The following TSEN54 variants were observed in gnomAD, a reference collection of about 807,000 sequenced individuals.
TSEN54 encodes tRNA splicing endonuclease subunit 54.
TSEN54 carries 55 observed loss-of-function variants against 61.9 expected under a neutral mutation model. The ratio of observed to expected loss-of-function variants is 0.89; its 90% confidence interval spans 0.72 to 1.11. TSEN54 has a LOEUF of 1.11. TSEN54 is among the 50% of genes most tolerant of loss of function. The pLI, the probability that TSEN54 is intolerant of heterozygous loss-of-function variation, is 0.00. For synonymous variants in TSEN54, 304 were observed against 288.7 expected (o/e 1.05, Z -0.54); for missense variants, 760 against 687.7 (o/e 1.11, Z -1.18).
Position 75,522,271 on chromosome 17 carries a change from C to A in TSEN54, c.1190C>A (p.Ala397Asp). 1 of 1,546,784 alleles carries A rather than the reference C, an allele frequency of 6.5e-7. No individual in the cohort carries two copies. Among genetic ancestry groups the A allele is most frequent in the Non-Finnish European group, 8.7e-7 (1 of 1,146,486 alleles). Residue 397 changes from alanine (A) to aspartate (D), a missense_variant, in exon 8 of 11, where the codon GCC becomes GAC. By Grantham distance (126) the Ala-to-Asp change is moderately radical. Transcript: ENST00000333213. Reference protein sequence around the residue: ...RRQVQRSQRRAPHLWGQPVTP... With the variant: ...RRQVQRSQRRDPHLWGQPVTP... ...CAGGTGCAGAGGAGCCAGCGCCGGG[C>A]CCCTCACCTGTGGGGCCAGCCCGTC...
chr17:75,518,570 T>C (rs1044370938), intron 5 of TSEN54: 13 of 985,448 alleles, frequency 1.3e-5, no homozygotes, highest in African/African-American at 7.0e-5. Context: ...AGGTTGAATA[T>C]GTGGCTCCCT....
In TSEN54 at chr17:75,517,033, G is replaced by A. The variant is rs1277949472; in HGVS notation, c.246G>A (p.Trp82Ter). 4 of 1,593,932 alleles carry A rather than the reference G, an allele frequency of 2.5e-6. No individual in the cohort carries two copies. Among genetic ancestry groups the A allele is most frequent in the Non-Finnish European group, 3.4e-6 (4 of 1,171,106 alleles). The stretch of plus-strand genomic sequence containing the variant: ...GGGGCAGCTTGGTGGCTGCCGAGTG[G>A]AGGCCAGAAGAGGGCTTCGTGGAGT... ...ERLGSLVAAEWRPEEGFVELK... is the reference protein window; with the variant it reads ...ERLGSLVAAE Residue 82 changes from tryptophan (W) to a stop codon, truncating the protein, a stop_gained, in exon 3 of 11, where the codon TGG (tryptophan) becomes TGA (stop). Coordinates refer to ENST00000333213, the MANE Select transcript of TSEN54 (RefSeq NM_207346.3). LOFTEE classifies it high-confidence loss of function.
In TSEN54 at chr17:75,524,397, G is replaced by A. The variant is rs1176613934; in HGVS notation, c.1566G>A (p.Gln522=). The A allele has an allele frequency of 6.2e-7, 1 of 1,614,160 alleles. No individual in the cohort carries two copies. The highest frequency in any genetic ancestry group is 1.7e-5 in the Admixed American group (1 of 60,026). ...GCTTCAGGGACTTCACGTTGCCCCA[G>A]GATGTGGGGCACTGACCTCACAGCT... ...FYSFRDFTLP[Q]DVGH The change falls in exon 11 of 11, where the codon CAG becomes CAA. Residue 522 remains glutamine (Q), a synonymous_variant. Coordinates refer to ENST00000333213, the MANE Select transcript of TSEN54 (RefSeq NM_207346.3).
At chr17:75,516,660 C>T (rs1482397538) in intron 1 of TSEN54, 44 bp downstream of exon 1, 15 of 1,264,798 alleles carry the variant, frequency 1.2e-5, no homozygotes, top group African/African-American at 1.6e-5. Flanking sequence ...GGCGCGGGGC[C>T]AGCGCGGGTA....
intron 5 of TSEN54, 200 bp from the exon 6 acceptor site, chr17:75,518,795 G>T: frequency 2.0e-6 from 2 of 985,394 alleles, no homozygotes; most frequent in Non-Finnish European, 2.4e-6. Context: ...AAGGTAAGTG[G>T]GAGGACAGGA....
At chr17:75,522,660 C>G (rs1011114447) in intron 8 of TSEN54, 10 of 749,276 alleles carry the variant, frequency 1.3e-5, no homozygotes, top group Admixed American at 3.6e-5. Flanking sequence ...CCTTCTTGGC[C>G]AAGTGAAAGA....
intron 10 of TSEN54, 96 bp downstream of exon 10, chr17:75,523,875 A>G (rs891677856): frequency 1.2e-5 from 16 of 1,381,044 alleles, no homozygotes; most frequent in Admixed American, 3.9e-5. Context: ...CAGCGTGCCA[A>G]TCTCTGAGAG....
chr17:75,523,537 G>GC, intron 9 of TSEN54, 126 bp from the exon 10 acceptor site: 6 of 1,609,184 alleles, frequency 3.7e-6, no homozygotes, highest in Non-Finnish European at 5.1e-6. Context: ...AGGGTTCAGA[G>GC]CCCCCAACCC....
At position 75,516,746 on chromosome 17, in the gene TSEN54, C is replaced by A; in HGVS notation, c.57C>A (p.Ser19Arg). Residue 19 changes from serine (S) to arginine (R), a missense_variant and splice_region_variant, in exon 2 of 11, where the codon AGC (serine) becomes AGA (arginine). By Grantham distance (110) the Ser-to-Arg change is moderately radical. Coordinates refer to ENST00000333213, the MANE Select transcript of TSEN54 (RefSeq NM_207346.3). ...AVEVPAGRVL[S>R]ARELFAARSR... ...GACCCCGCGTCCCCTTCTCCCCCAG[C>A]GCCCGGGAGCTCTTCGCCGCCCGCT... 3 of 1,559,912 alleles carry A rather than the reference C, an allele frequency of 1.9e-6. No individual in the cohort carries two copies. The highest frequency in any genetic ancestry group is 2.6e-6 in the Non-Finnish European group (3 of 1,161,708).
intron 6 of TSEN54, among the ~76,000 whole-genome samples, chr17:75,519,420 AT>A: frequency 6.6e-6 from 1 of 152,304 alleles, no homozygotes; most frequent in South Asian, 2.1e-4. Context: ...AGGGTTTCAC[AT>A]TTTTCATGCC....
rs1472785160 is a variant in TSEN54, at chr17:75,521,765, C to T, written c.684C>T (p.Ala228=). Residue 228 remains alanine (A), a synonymous_variant, in exon 8 of 11, where the codon GCC becomes GCT. Coordinates refer to ENST00000333213, the MANE Select transcript of TSEN54 (RefSeq NM_207346.3). ...DNSLQPKSLA[A]SSPPPCSQPS... is the part of the protein sequence containing the mutation. Reference sequence around the variant, plus strand: ...CCCTGCAACCCAAGAGTCTGGCAGCCTCCAGCCCACCTCCCTGCAGCCAGC... The same window carrying T: ...CCCTGCAACCCAAGAGTCTGGCAGCTTCCAGCCCACCTCCCTGCAGCCAGC... 2 of 1,612,920 alleles carry T rather than the reference C, an allele frequency of 1.2e-6. No homozygotes were observed. Among genetic ancestry groups the T allele is most frequent in the South Asian group, 2.2e-5 (2 of 91,082 alleles).
In TSEN54 at chr17:75,516,918, G is replaced by C; in HGVS notation, c.221+8G>C. 6.5e-7 allele frequency: 1 copy of C among 1,543,366 alleles called. No homozygotes were observed. Among genetic ancestry groups the C allele is most frequent in the Non-Finnish European group, 8.7e-7 (1 of 1,146,040 alleles). Reference sequence around the variant, plus strand: ...GCAGCGCGTGGAGCGCCTGTGAGAGGGGCGGGCCCAGGGGTAAGGGAAGCG... The same window carrying C: ...GCAGCGCGTGGAGCGCCTGTGAGAGCGGCGGGCCCAGGGGTAAGGGAAGCG... On this transcript the variant is annotated splice_region_variant and intron_variant, in intron 2 of 10. Coordinates refer to ENST00000333213, the MANE Select transcript of TSEN54 (RefSeq NM_207346.3).
intron 4 of TSEN54, 131 bp downstream of exon 4, chr17:75,517,375 T>C: frequency 8.0e-7 from 1 of 1,247,884 alleles, no homozygotes; most frequent in South Asian, 1.2e-5. Context: ...CAGGAGGTGG[T>C]ACGTTGCAGG....
intron 8 of TSEN54, chr17:75,523,071 C>G: frequency 4.8e-6 from 3 of 625,338 alleles, no homozygotes; most frequent in Non-Finnish European, 8.7e-6. Flanking sequence ...CCCAGCTACT[C>G]AGGAGGCTGA....
At chr17:75,523,920 C>A in intron 10 of TSEN54, 141 bp downstream of exon 10, 1 of 954,450 alleles carries the variant, frequency 1.0e-6, no homozygotes, top group Non-Finnish European at 1.6e-6. Context: ...GTGACCTACA[C>A]AAGGCCACAC....
Position 75,517,001 on chromosome 17 carries a change from C to T in TSEN54, c.222-8C>T. ...GACTGACGCAGACCCCTCCCCACTC[C>T]TCGCCAGGGGCAGCTTGGTGGCTGC... is the stretch of plus-strand genomic sequence containing the variant. On this transcript the variant is annotated splice_region_variant and splice_polypyrimidine_tract_variant and intron_variant, in intron 2 of 10. Coordinates refer to ENST00000333213, the MANE Select transcript of TSEN54 (RefSeq NM_207346.3). 1 of 1,577,854 alleles carries T rather than the reference C, an allele frequency of 6.3e-7. No homozygotes were observed. Among genetic ancestry groups the T allele is most frequent in the Non-Finnish European group, 8.6e-7 (1 of 1,162,374 alleles).
intron 5 of TSEN54, chr17:75,518,703 C>CA (rs2053398603): frequency 3.0e-6 from 3 of 985,350 alleles, no homozygotes; most frequent in Non-Finnish European, 2.4e-6. Context: ...TCAAAATACT[C>CA]AAGTATTTCA....
chr17:75,524,491 C>T lies in TSEN54; in HGVS notation c.*79C>T. 1 of 1,573,638 alleles carries T rather than the reference C, an allele frequency of 6.4e-7. No homozygotes were observed. Among genetic ancestry groups the T allele is most frequent in the Non-Finnish European group, 8.7e-7 (1 of 1,150,242 alleles). On this transcript the variant is annotated 3_prime_UTR_variant, in exon 11 of 11. Coordinates refer to ENST00000333213, the MANE Select transcript of TSEN54 (RefSeq NM_207346.3). Reference sequence around the variant, plus strand: ...TCTCAGGGACCATCTCGGCTGCCTCCTGTACCCAGACTCTAACCTGTAGCT... The same window carrying T: ...TCTCAGGGACCATCTCGGCTGCCTCTTGTACCCAGACTCTAACCTGTAGCT...
At chr17:75,518,747 G>GT in intron 5 of TSEN54, 1 of 985,390 alleles carries the variant, frequency 1.0e-6, no homozygotes, top group Non-Finnish European at 1.2e-6. Context: ...ATGGCTATCA[G>GT]TTTTTTTGGA....
Sources: allele counts gnomAD v4.1 joint callset (sites outside exome capture counted in the v4.1 genomes callset), GRCh38; gene constraint gnomAD v4.1.1; transcripts MANE v1.5; gene names NCBI Gene and HGNC (gene_info 2026-07-23, HGNC 2026-07-21).